The following LUZP2 variants were observed in gnomAD, a reference collection of about 807,000 sequenced individuals.
The protein encoded by LUZP2 is leucine zipper protein 2.
LUZP2 carries 52 observed loss-of-function variants against 51.6 expected under a neutral mutation model. The ratio of observed to expected loss-of-function variants is 1.01; its 90% CI spans 0.81 to 1.27. The LOEUF (loss-of-function observed/expected upper bound fraction) is 1.27. Ranked by LOEUF, LUZP2 falls within the 50% of genes most tolerant of loss-of-function variation. The pLI is 0.00. For synonymous variants in LUZP2, 154 were observed against 137.3 expected, an observed-to-expected ratio of 1.12 and a Z score of -0.85; for missense variants, 436 against 395.4, an observed-to-expected ratio of 1.10 and a Z score of -0.87.
rs567146165 is a variant in LUZP2 at position 24,959,981 on chromosome 11, A to G, written c.523-16610A>G. Among the ~76,000 whole-genome samples, 75 of 152,042 alleles carry G rather than the reference A, an allele frequency of 4.9e-4. 2 individuals are homozygous for G. The highest frequency in any genetic ancestry group is 3.4e-3 in the Middle Eastern group (1 of 294). ...ATGAAGGTTGTTGAATTTTGTCAAA[A>G]GCCTTTTCTGCATCTATTGAGATAA... On this transcript the variant is annotated intron_variant, in intron 7 of 11. Coordinates refer to ENST00000336930, the MANE Select transcript of LUZP2 (RefSeq NM_001009909.4).
intron 1 of LUZP2, among the ~76,000 whole-genome samples, chr11:24,720,509 T>A (rs1464775881): frequency 6.6e-6 from 1 of 152,160 alleles, no homozygotes; most frequent in African/African-American, 2.4e-5. Context: ...AAATGAAAAA[T>A]GTATGTGACC....
chr11:24,683,944 C>G (rs1399257070), intron 1 of LUZP2, among the ~76,000 whole-genome samples: 2 of 152,020 alleles, frequency 1.3e-5, no homozygotes, highest in Admixed American at 6.6e-5. Flanking sequence ...ATACTGACCT[C>G]TTGATCTCGG....
chr11:24,849,211 A>G (rs1449658716), intron 5 of LUZP2, among the ~76,000 whole-genome samples: 1 of 152,106 alleles, frequency 6.6e-6, no homozygotes, highest in Admixed American at 6.6e-5. Flanking sequence ...TACACCTACC[A>G]TGGTGGTTTG....
chr11:24,593,183 C>A (rs1212510373), intron 1 of LUZP2, among the ~76,000 whole-genome samples: 1 of 152,114 alleles, frequency 6.6e-6, no homozygotes, highest in Non-Finnish European at 1.5e-5. Flanking sequence ...CTGCTCCGAA[C>A]TCCCTAGCGC....
chr11:24,566,841 G>C (rs1237978870), intron 1 of LUZP2, among the ~76,000 whole-genome samples: 1 of 131,052 alleles, frequency 7.6e-6, no homozygotes, highest in Non-Finnish European at 1.7e-5. Flanking sequence ...TTATATATAA[G>C]GTATATATAC....
chr11:25,036,037 A>T (rs1339654617), intron 9 of LUZP2, among the ~76,000 whole-genome samples: 3 of 152,062 alleles, frequency 2.0e-5, no homozygotes, highest in African/African-American at 4.8e-5. Context: ...TTTCAGTAAG[A>T]TTGGTATCCA....
At chr11:24,669,651 A>C (rs1389616747) in intron 1 of LUZP2, among the ~76,000 whole-genome samples, 1 of 152,058 alleles carries the variant, frequency 6.6e-6, no homozygotes, top group Non-Finnish European at 1.5e-5. Flanking sequence ...TATTTAAAGC[A>C]GGCACAATTT....
intron 5 of LUZP2, among the ~76,000 whole-genome samples, chr11:24,768,596 T>C (rs75901733): frequency 0.038 from 5,755 of 151,686 alleles, 221 homozygotes; most frequent in African/African-American, 0.094. Context: ...ACAAAATATC[T>C]GCATAGACAT....
intron 5 of LUZP2, among the ~76,000 whole-genome samples, chr11:24,803,079 A>G (rs1302435843): frequency 1.3e-5 from 2 of 152,052 alleles, no homozygotes; most frequent in Non-Finnish European, 2.9e-5. Flanking sequence ...CATCAGAGTA[A>G]AAAAGTAACC....
chr11:24,882,750 G>A (rs772136119), intron 5 of LUZP2, among the ~76,000 whole-genome samples: 3 of 145,066 alleles, frequency 2.1e-5, no homozygotes, highest in Non-Finnish European at 3.0e-5. Flanking sequence ...TCATGACTAG[G>A]TAACTCATTG....
chr11:24,835,593 A>C (rs1473237149), intron 5 of LUZP2, among the ~76,000 whole-genome samples: 1 of 152,162 alleles, frequency 6.6e-6, no homozygotes, highest in Non-Finnish European at 1.5e-5. Flanking sequence ...TTCAGATTAC[A>C]GATAAGATAA....
chr11:24,764,451 T>A (rs983922870), intron 5 of LUZP2, among the ~76,000 whole-genome samples: 34 of 140,676 alleles, frequency 2.4e-4, no homozygotes, highest in Admixed American at 5.3e-4. Flanking sequence ...AGCCCAGGAG[T>A]TTGAGACCAG....
At chr11:25,067,909 C>T (rs181498916) in intron 10 of LUZP2, among the ~76,000 whole-genome samples, 3 of 152,100 alleles carry the variant, frequency 2.0e-5, no homozygotes, top group African/African-American at 7.2e-5. Flanking sequence ...AGTCTTGGAA[C>T]CAATCCAAAT....
chr11:25,012,328 A>G (rs1205420733), intron 9 of LUZP2, among the ~76,000 whole-genome samples: 1 of 152,164 alleles, frequency 6.6e-6, no homozygotes, highest in Non-Finnish European at 1.5e-5. Context: ...CATCTCCCTG[A>G]CTTAAATCTT....
intron 3 of LUZP2, among the ~76,000 whole-genome samples, chr11:24,736,529 A>G (rs557485333): frequency 2.0e-5 from 3 of 148,544 alleles, no homozygotes; most frequent in Admixed American, 6.8e-5. Flanking sequence ...CCTTCTCAGT[A>G]GAGATAGTAT....
At chr11:25,060,136 A>G (rs147914206) in intron 10 of LUZP2, among the ~76,000 whole-genome samples, 73 of 152,314 alleles carry the variant, frequency 4.8e-4, no homozygotes, top group African/African-American at 1.7e-3. Flanking sequence ...CAATGAATGA[A>G]GGTAAAAAGA....
At chr11:24,870,676 G>A (rs1445990142) in intron 5 of LUZP2, among the ~76,000 whole-genome samples, 2 of 152,098 alleles carry the variant, frequency 1.3e-5, no homozygotes, top group South Asian at 2.1e-4. Flanking sequence ...CTGCTAGCTT[G>A]AAAATTACTG....
intron 1 of LUZP2, among the ~76,000 whole-genome samples, chr11:24,558,497 T>A (rs1851939178): frequency 6.6e-6 from 1 of 152,216 alleles, no homozygotes; most frequent in African/African-American, 2.4e-5. Context: ...CATTTGTAGA[T>A]AGTACCAAAT....
At chr11:24,793,409 T>A (rs1849459691) in intron 5 of LUZP2, among the ~76,000 whole-genome samples, 1 of 152,188 alleles carries the variant, frequency 6.6e-6, no homozygotes, top group Admixed American at 6.5e-5. Flanking sequence ...TCTGTTAATG[T>A]CACCACCTGC....
Sources: allele counts gnomAD v4.1 joint callset (sites outside exome capture counted in the v4.1 genomes callset), GRCh38; gene constraint gnomAD v4.1.1; transcripts MANE v1.5; gene names NCBI Gene and HGNC (gene_info 2026-07-23, HGNC 2026-07-21).